Variants in AMN1 observed in about 807,000 individuals in gnomAD.
The protein encoded by AMN1 is protein AMN1 homolog.
In AMN1, 20 loss-of-function variants were observed where a neutral mutation model predicts 33.0. The ratio of observed to expected loss-of-function variants is 0.61; its 90% CI spans 0.43 to 0.88. The LOEUF (loss-of-function observed/expected upper bound fraction) is 0.88. AMN1 is among the 40% of genes least tolerant of loss of function. AMN1 has a pLI of 0.00. For synonymous variants in AMN1, 114 were observed against 111.9 expected (o/e 1.02, Z -0.12); for missense variants, 246 against 307.4 (o/e 0.80, Z 1.49).
At chr12:31,682,586 T>G (rs1298130854) in intron 6 of AMN1, among the ~76,000 whole-genome samples, 1 of 151,760 alleles carries the variant, frequency 6.6e-6, no homozygotes. Context: ...TAGCCTGGGG[T>G]TTTTATCTAT....
intron 1 of AMN1, among the ~76,000 whole-genome samples, chr12:31,726,903 C>CT (rs1291712566): frequency 6.6e-5 from 10 of 152,206 alleles, no homozygotes; most frequent in Admixed American, 2.0e-4. Flanking sequence ...TCTGTTTCCT[C>CT]TTTTTTTCAC....
In AMN1 at chr12:31,683,381, G is replaced by A. The variant is rs1398841895; in HGVS notation, c.703+5626C>T. ...TTCTGTAGTCTGAGACCCTTTCAGGGTTGTGAACTGAACTAGTTACTTTTC... is the reference window on the plus strand; with the variant it reads ...TTCTGTAGTCTGAGACCCTTTCAGGATTGTGAACTGAACTAGTTACTTTTC... On this transcript the variant is annotated intron_variant, in intron 6 of 6. Coordinates refer to ENST00000281471, the MANE Select transcript of AMN1 (RefSeq NM_001113402.2). The surrounding 1 kb of genome is among the most constrained non-coding windows in gnomAD (Gnocchi z 4.1). Among the ~76,000 whole-genome samples the A allele has an allele frequency of 6.6e-6, 1 of 152,208 alleles. No homozygotes were observed. Among genetic ancestry groups the A allele is most frequent in the African/African-American group, 2.4e-5 (1 of 41,434 alleles).
rs1387623366 is a variant in AMN1, at chr12:31,687,976, C to T, written c.703+1031G>A. Reference sequence around the variant, plus strand: ...TGACTTTTTGTTTGTTTGTTTGAGACGGAGTTTCGCTCTTGTTGCCCAGGC... The same window carrying T: ...TGACTTTTTGTTTGTTTGTTTGAGATGGAGTTTCGCTCTTGTTGCCCAGGC... On this transcript the variant is annotated intron_variant, in intron 6 of 6. Transcript: ENST00000281471. The surrounding 1 kb of genome is among the most constrained non-coding windows in gnomAD (Gnocchi z 4.1). 2.0e-5 allele frequency among the ~76,000 whole-genome samples: 3 copies of T among 152,222 alleles called. No homozygotes were observed. The highest frequency in any genetic ancestry group is 4.2e-4 in the South Asian group (2 of 4,816).
At chr12:31,705,799 A>C (rs1565776144) in intron 2 of AMN1, among the ~76,000 whole-genome samples, 2 of 152,168 alleles carry the variant, frequency 1.3e-5, no homozygotes, top group South Asian at 4.1e-4. Flanking sequence ...TACAAAACTC[A>C]TAAACCTCCT....
Position 31,727,779 on chromosome 12 carries a change from TA to T in AMN1, c.38+1191del, listed in dbSNP as rs60126295. Among the ~76,000 whole-genome samples, 1,467 of 152,324 alleles carry T rather than the reference TA, an allele frequency of 9.6e-3. 24 individuals are homozygous for T. Among genetic ancestry groups the T allele is most frequent in the African/African-American group, 0.033 (1,378 of 41,564 alleles). On this transcript the variant is annotated intron_variant, in intron 1 of 6. Transcript: ENST00000281471. ...AGTCTCGCTCTGTCGCCTAGCAGCC[TA>T]GGCGTGCAGTGGCGCGATCTCAGCT...
chr12:31,691,820 G>A (rs1565768210), intron 5 of AMN1, among the ~76,000 whole-genome samples: 1 of 152,118 alleles, frequency 6.6e-6, no homozygotes, highest in East Asian at 1.9e-4. Flanking sequence ...ACTTCTGAAG[G>A]CAGAAAGGGA....
rs751705879 is a variant in AMN1, at chr12:31,700,153, T to TA, written c.316+1709dup. The stretch of plus-strand genomic sequence containing the variant: ...CAAAAAAGTCCCTCTTTCTTATATT[T>TA]AAAAAAAAAAAAAAAGCCTGGGCAA... On this transcript the variant is annotated intron_variant, in intron 3 of 6. Coordinates refer to ENST00000281471, the MANE Select transcript of AMN1 (RefSeq NM_001113402.2). Among the ~76,000 whole-genome samples, 179 of 133,712 alleles carry TA rather than the reference T, an allele frequency of 1.3e-3. 3 individuals carry two copies. Among genetic ancestry groups the TA allele is most frequent in the South Asian group, 6.1e-3 (26 of 4,228 alleles). The allele number at this position is 133,712 out of a possible 152,430, so 87.7% of individuals were successfully genotyped here.
intron 6 of AMN1, among the ~76,000 whole-genome samples, chr12:31,685,918 T>C (rs1004063518): frequency 6.6e-6 from 1 of 151,818 alleles, no homozygotes; most frequent in African/African-American, 2.4e-5. Context: ...AATGACGTGA[T>C]CTCAGCTCAT....
intron 5 of AMN1, among the ~76,000 whole-genome samples, chr12:31,696,375 T>C (rs2139684820): frequency 6.6e-6 from 1 of 152,112 alleles, no homozygotes; most frequent in African/African-American, 2.4e-5. Context: ...CCTCCCTGAG[T>C]AGCTGGGACT....
chr12:31,693,047 T>G (rs190513826), intron 5 of AMN1, among the ~76,000 whole-genome samples: 3 of 152,258 alleles, frequency 2.0e-5, no homozygotes, highest in African/African-American at 7.2e-5. Flanking sequence ...TTGTACTAAG[T>G]GCTTGTTGAT....
At chr12:31,682,532 G>C (rs1357568080) in intron 6 of AMN1, among the ~76,000 whole-genome samples, 2 of 151,826 alleles carry the variant, frequency 1.3e-5, no homozygotes, top group Non-Finnish European at 2.9e-5. Context: ...GGGTGTCTCT[G>C]GGTTACAGAG....
rs1399953770 is a variant in AMN1, at chr12:31,672,094, A to G, written c.*210T>C. The stretch of plus-strand genomic sequence containing the variant: ...AAAAATAATGACTCATCCAACAGAT[A>G]TAGAATAATAGCACTTTAAAGATGT... On this transcript the variant is annotated 3_prime_UTR_variant, in exon 7 of 7. Coordinates refer to ENST00000281471, the MANE Select transcript of AMN1 (RefSeq NM_001113402.2). 3 of 466,782 alleles carry G rather than the reference A, an allele frequency of 6.4e-6. No individual in the cohort carries two copies. Among genetic ancestry groups the G allele is most frequent in the Non-Finnish European group, 1.1e-5 (3 of 261,728 alleles). 28.9% of individuals were successfully genotyped at this position (466,782 alleles called of 1,614,324 possible). A position where few individuals can be genotyped will look rare whatever the true frequency, so the allele number is the denominator to read the frequency against.
intron 5 of AMN1, among the ~76,000 whole-genome samples, chr12:31,695,213 T>C (rs59292756): frequency 0.062 from 9,362 of 152,208 alleles, 615 homozygotes; most frequent in East Asian, 0.17. Context: ...TTTACTATCA[T>C]GCATAACAAC....
Position 31,684,616 on chromosome 12 carries a change from G to A in AMN1, c.703+4391C>T, listed in dbSNP as rs181480685. Among the ~76,000 whole-genome samples, 1,473 of 151,778 alleles carry A rather than the reference G, an allele frequency of 9.7e-3. 20 individuals are homozygous for A. Among genetic ancestry groups the A allele is most frequent in the African/African-American group, 0.034 (1,392 of 41,396 alleles). The stretch of plus-strand genomic sequence containing the variant: ...CTCCTGAATAGCTGGGACTACAGGC[G>A]CCCGCCACCATGCCCGGCTAATTTT... On this transcript the variant is annotated intron_variant, in intron 6 of 6. Coordinates refer to ENST00000281471, the MANE Select transcript of AMN1 (RefSeq NM_001113402.2).
chr12:31,706,216 G>A (rs1186350517), intron 2 of AMN1, among the ~76,000 whole-genome samples: 1 of 150,114 alleles, frequency 6.7e-6, no homozygotes, highest in South Asian at 2.1e-4. Context: ...GGAGGCTGAG[G>A]CAGGAGAATG....
intron 2 of AMN1, among the ~76,000 whole-genome samples, chr12:31,704,950 G>GTCA (rs1311302061): frequency 6.6e-6 from 1 of 152,142 alleles, no homozygotes; most frequent in African/African-American, 2.4e-5. Context: ...TTTCTACAGT[G>GTCA]TCATTATGGT....
intron 6 of AMN1, among the ~76,000 whole-genome samples, chr12:31,686,336 T>C (rs1592151824): frequency 6.6e-6 from 1 of 151,996 alleles, no homozygotes; most frequent in African/African-American, 2.4e-5. Context: ...TCCCAGCTAC[T>C]TGGGAGGCTG....
chr12:31,717,768 T>C (rs756529955), intron 1 of AMN1, among the ~76,000 whole-genome samples: 3 of 152,120 alleles, frequency 2.0e-5, no homozygotes, highest in African/African-American at 4.8e-5. Context: ...GTTTGTTACA[T>C]AGGTATACAT....
intron 1 of AMN1, among the ~76,000 whole-genome samples, chr12:31,712,293 G>A (rs1179869126): frequency 6.6e-6 from 1 of 151,878 alleles, no homozygotes; most frequent in African/African-American, 2.4e-5. Context: ...TGTCGCCCAG[G>A]CTAGAGTGCA....
Sources: gnomAD v4.1 joint callset for allele counts (sites outside exome capture counted in the v4.1 genomes callset) on GRCh38, gnomAD v4.1.1 for gene constraint, Gnocchi (gnomAD v3.1) non-coding constraint, MANE v1.5 for transcripts, NCBI Gene and HGNC (gene_info 2026-07-23, HGNC 2026-07-21) for gene names.